Variants in DIS3L2 observed in about 807,000 individuals in gnomAD.
DIS3L2 encodes the protein DIS3-like exonuclease 2.
DIS3L2 carries 34 observed loss-of-function variants against 97.5 expected under a neutral mutation model. The observed-to-expected ratio is 0.35, with a 90% CI of 0.27 to 0.46. DIS3L2 has a LOEUF of 0.46. DIS3L2 is among the 20% of genes least tolerant of loss of function. The pLI is 1.00. For synonymous variants in DIS3L2, 435 were observed against 445.2 expected, an observed-to-expected ratio of 0.98 and a Z score of 0.29; for missense variants, 1,038 against 1,146.0, an observed-to-expected ratio of 0.91 and a Z score of 1.36.
Position 232,136,645 on chromosome 2 carries a change from G to T in DIS3L2, c.876G>T (p.Arg292=), listed in dbSNP as rs939770688. 1 of 1,613,756 alleles carries T rather than the reference G, an allele frequency of 6.2e-7. No individual in the cohort carries two copies. The highest frequency in any genetic ancestry group is 8.5e-7 in the Non-Finnish European group (1 of 1,179,930). Residue 292 remains arginine, a synonymous_variant, in exon 8 of 21, where the codon CGG becomes CGT. Coordinates refer to ENST00000325385, the MANE Select transcript of DIS3L2 (RefSeq NM_152383.5). ...LKDCPQDFVA[R]PKDYANTLFI... Reference sequence around the variant, plus strand: ...ACTGTCCCCAGGACTTTGTGGCACGGCCTAAAGATTATGCCAACACACTGT... The same window carrying T: ...ACTGTCCCCAGGACTTTGTGGCACGTCCTAAAGATTATGCCAACACACTGT...
chr2:232,145,861 T>C (rs1414922942), intron 8 of DIS3L2, among the ~76,000 whole-genome samples: 1 of 152,208 alleles, frequency 6.6e-6, no homozygotes. Flanking sequence ...CAAGTCTCAG[T>C]GGTACACAGA....
chr2:232,008,007 TCTA>T (rs1232397058), intron 1 of DIS3L2, among the ~76,000 whole-genome samples: 1 of 152,072 alleles, frequency 6.6e-6, no homozygotes, highest in East Asian at 1.9e-4. Context: ...ATTCAGATTT[TCTA>T]CTACTTTTTT....
chr2:232,100,418 G>A (rs903218310), intron 6 of DIS3L2, among the ~76,000 whole-genome samples: 2 of 151,790 alleles, frequency 1.3e-5, no homozygotes, highest in Non-Finnish European at 2.9e-5. Context: ...ATTTTCCAGG[G>A]ATGTTGCTTT....
At chr2:232,029,418 G>A (rs934523740) in intron 4 of DIS3L2, among the ~76,000 whole-genome samples, 4 of 152,090 alleles carry the variant, frequency 2.6e-5, no homozygotes, top group African/African-American at 7.2e-5. Flanking sequence ...CACCTGGGGA[G>A]TTCACTGGGG....
intron 7 of DIS3L2, chr2:232,131,464 TG>T (rs1170204333): frequency 6.6e-6 from 1 of 152,160 alleles, no homozygotes; most frequent in Non-Finnish European, 1.5e-5. Context: ...GCTAATTTTT[TG>T]TATTTTTAGT....
At chr2:231,964,743 T>G (rs552011455) in intron 1 of DIS3L2, among the ~76,000 whole-genome samples, 57 of 152,330 alleles carry the variant, frequency 3.7e-4, no homozygotes, top group Admixed American at 3.9e-4. Context: ...TTATACACTT[T>G]AAAGGATATA....
intron 1 of DIS3L2, among the ~76,000 whole-genome samples, chr2:232,002,471 TA>T: frequency 1.3e-5 from 2 of 152,348 alleles, no homozygotes; most frequent in South Asian, 4.1e-4. Context: ...AGGACACTGT[TA>T]CAGTATTCCA....
chr2:232,186,877 A>G (rs934915364), intron 9 of DIS3L2, among the ~76,000 whole-genome samples: 1 of 152,214 alleles, frequency 6.6e-6, no homozygotes, highest in Non-Finnish European at 1.5e-5. Context: ...GAGAAAACAA[A>G]AGAGTAAACC....
chr2:232,019,040 T>C (rs1694437749), intron 3 of DIS3L2, among the ~76,000 whole-genome samples: 1 of 152,030 alleles, frequency 6.6e-6, no homozygotes, highest in Admixed American at 6.6e-5. Context: ...CAAGGTGACA[T>C]GGGTATGAAC....
At chr2:231,979,119 G>A (rs141849101) in intron 1 of DIS3L2, among the ~76,000 whole-genome samples, 275 of 152,012 alleles carry the variant, frequency 1.8e-3, no homozygotes, top group South Asian at 6.4e-3. Context: ...TGTATTTTGC[G>A]TCTTAACTAA....
At chr2:232,072,783 GGTGTGTGTGTGTGTGTGT>G (rs56884799) in intron 5 of DIS3L2, among the ~76,000 whole-genome samples, 1 of 139,812 alleles carries the variant, frequency 7.2e-6, no homozygotes, top group Admixed American at 7.2e-5. Context: ...TGGGATGTGG[GGTGTGTGTGTGTGTGTGT>G]GTGTGTGTGT....
At position 231,966,156 on chromosome 2, in the gene DIS3L2, A is replaced by ATTC. The variant is rs768488262; in HGVS notation, c.-94+4406_-94+4408dup. Among the ~76,000 whole-genome samples, 32 of 147,006 alleles carry ATTC rather than the reference A, an allele frequency of 2.2e-4. No individual in the cohort carries two copies. In the East Asian group the frequency reaches 5.1e-3, roughly 23 times the overall value. On this transcript the variant is annotated intron_variant, in intron 1 of 20. Transcript: ENST00000325385. ...GTCAGGGAGTGGAGACTTGACCAGA[A>ATTC]TTCTTCTTCTTCTTCTTTTTTTTTT...
intron 13 of DIS3L2, among the ~76,000 whole-genome samples, chr2:232,286,660 T>C (rs568533622): frequency 6.6e-6 from 1 of 152,304 alleles, no homozygotes; most frequent in African/African-American, 2.4e-5. Context: ...TATTATCTCT[T>C]TTTTACATAG....
intron 9 of DIS3L2, among the ~76,000 whole-genome samples, chr2:232,167,903 GCCGGGTGTGGTGGCAGCCAC>G (rs1296861855): frequency 2.6e-5 from 4 of 152,068 alleles, no homozygotes; most frequent in African/African-American, 9.7e-5. Flanking sequence ...ACAAAAATTA[GCCGGGTGTGGTGGCAGCCAC>G]CTGTAATCCC....
chr2:232,076,792 T>C (rs971434151), intron 5 of DIS3L2, among the ~76,000 whole-genome samples: 1 of 152,330 alleles, frequency 6.6e-6, no homozygotes, highest in African/African-American at 2.4e-5. Flanking sequence ...TTAAAACATA[T>C]TTCCCAACAT....
intron 10 of DIS3L2, among the ~76,000 whole-genome samples, chr2:232,211,740 A>G (rs904136023): frequency 5.9e-5 from 9 of 152,226 alleles, no homozygotes; most frequent in African/African-American, 1.7e-4. Context: ...CTTCTCTACT[A>G]TAATAGATGG....
intron 5 of DIS3L2, among the ~76,000 whole-genome samples, chr2:232,084,767 GTTTGCTCAAAAGTTTTGAGCACAGT>G (rs1325577571): frequency 2.7e-5 from 4 of 146,680 alleles, no homozygotes; most frequent in Admixed American, 1.4e-4. Flanking sequence ...TTTTAAAAAA[GTTTGCTCAAAAGTTTTGAGCACAGT>G]TTTGCTCAAA....
intron 10 of DIS3L2, among the ~76,000 whole-genome samples, chr2:232,228,458 A>G (rs1258928495): frequency 6.6e-6 from 1 of 152,236 alleles, no homozygotes; most frequent in Non-Finnish European, 1.5e-5. Flanking sequence ...ATGACGACAC[A>G]TGCCATGACC....
intron 5 of DIS3L2, among the ~76,000 whole-genome samples, chr2:232,073,152 T>A (rs1696085577): frequency 6.6e-6 from 1 of 152,204 alleles, no homozygotes; most frequent in Admixed American, 6.5e-5. Context: ...CTTCAAGGTG[T>A]TTCCTGAACA....
Sources: allele counts gnomAD v4.1 joint callset (sites outside exome capture counted in the v4.1 genomes callset), GRCh38; gene constraint gnomAD v4.1.1; transcripts MANE v1.5; gene names NCBI Gene and HGNC (gene_info 2026-07-23, HGNC 2026-07-21).